MYO10: variants seen among roughly 807,000 people sequenced by gnomAD.
MYO10 encodes the protein myosin X.
MYO10 carries 133 observed loss-of-function variants against 257.3 expected under a neutral mutation model. The observed-to-expected ratio is 0.52, with a 90% CI of 0.45 to 0.60. MYO10 has a LOEUF of 0.60. Ranked by LOEUF, MYO10 falls within the 20% of genes least tolerant of loss-of-function variation. The pLI is 0.00. For missense variants in MYO10, 2,399 were observed against 2,635.7 expected, an observed-to-expected ratio of 0.91 and a Z score of 1.97; for synonymous variants, 1,104 against 1,028.6, an observed-to-expected ratio of 1.07 and a Z score of -1.40.
chr5:16,803,915 G>T (rs1209898613), intron 3 of MYO10, among the ~76,000 whole-genome samples: 2 of 152,092 alleles, frequency 1.3e-5, no homozygotes, highest in African/African-American at 4.8e-5. Context: ...TTACACATTC[G>T]CACACCCACT....
rs571617612 is a variant in MYO10 at position 16,747,689 on chromosome 5, C to T, written c.1929+7139G>A. 3.3e-5 allele frequency among the ~76,000 whole-genome samples: 5 copies of T among 152,168 alleles called. No individual in the cohort carries two copies. In the South Asian group the frequency reaches 6.2e-4, roughly 19 times the overall value. On this transcript the variant is annotated intron_variant, in intron 19 of 40. Transcript: ENST00000513610. ...ATCCCAGCACTTCGGGAGGCCGAGG[C>T]GGGTGGATCACGAGGTCAGGAGATT... is the stretch of plus-strand genomic sequence containing the variant.
rs776810367 is a variant in MYO10, at chr5:16,704,621, G to A, written c.2234C>T (p.Ala745Val). The A allele has an allele frequency of 1.4e-5, 22 of 1,613,748 alleles. No individual in the cohort carries two copies. The highest frequency in any genetic ancestry group is 1.6e-5 in the Non-Finnish European group (19 of 1,179,880). Reference protein sequence around the residue: ...EKRREEEVSHAAMVIRAHVLG... With the variant: ...EKRREEEVSHVAMVIRAHVLG... Reference sequence around the variant, plus strand: ...GACATGGGCCCGAATCACCATGGCCGCGTGGCTCACTTCCTCTTCCCTCCG... The same window carrying A: ...GACATGGGCCCGAATCACCATGGCCACGTGGCTCACTTCCTCTTCCCTCCG... Residue 745 changes from alanine (A) to valine (V), a missense_variant, in exon 22 of 41, where the codon GCG (alanine) becomes GTG (valine). By Grantham distance (64) the Ala-to-Val change is moderately conservative. Around this residue, in one of 3 missense-constraint regions of MYO10, gnomAD observed 1,820 missense variants for 1,939.4 expected, o/e 0.94. Coordinates refer to ENST00000513610, the MANE Select transcript of MYO10 (RefSeq NM_012334.3).
chr5:16,928,332 T>C (rs926531978), intron 1 of MYO10, among the ~76,000 whole-genome samples: 2 of 152,080 alleles, frequency 1.3e-5, no homozygotes, highest in African/African-American at 4.8e-5. Context: ...GTAGTTGCGA[T>C]TACAGGCCCA....
At chr5:16,925,710 C>T (rs1024123551) in intron 1 of MYO10, among the ~76,000 whole-genome samples, 1 of 152,150 alleles carries the variant, frequency 6.6e-6, no homozygotes, top group African/African-American at 2.4e-5. Flanking sequence ...CCGTGTCCGG[C>T]CTCAGTTTTC....
chr5:16,896,065 C>A (rs1020515330), intron 1 of MYO10, among the ~76,000 whole-genome samples: 4 of 152,192 alleles, frequency 2.6e-5, no homozygotes, highest in African/African-American at 9.7e-5. Flanking sequence ...AAATGGAGTC[C>A]TTCTCTCCTT....
intron 9 of MYO10, among the ~76,000 whole-genome samples, chr5:16,771,831 T>TA (rs1443975235): frequency 6.6e-6 from 1 of 151,506 alleles, no homozygotes; most frequent in Non-Finnish European, 1.5e-5. Context: ...TCTGCCCACC[T>TA]AGGTCTCCCA....
rs769743350 is a variant in MYO10 at position 16,935,842 on chromosome 5, G to C, written c.-34C>G. ...CGCAGTCCCGGACTCGCCGAGTGCC[G>C]CTCCGACTCGCGGAAGTCAGCGCCG... On this transcript the variant is annotated 5_prime_UTR_variant, in exon 1 of 41. Transcript: ENST00000513610. The C allele has an allele frequency of 6.2e-7, 1 of 1,610,646 alleles. No homozygotes were observed. Among genetic ancestry groups the C allele is most frequent in the African/African-American group, 1.3e-5 (1 of 74,818 alleles).
chr5:16,719,227 C>A (rs1739040617), intron 19 of MYO10, among the ~76,000 whole-genome samples: 1 of 152,144 alleles, frequency 6.6e-6, no homozygotes, highest in Non-Finnish European at 1.5e-5. Context: ...TCAGAAGGGA[C>A]AGACTCTAGA....
chr5:16,700,887 A>T (rs992556984), intron 25 of MYO10, 76 bp downstream of exon 25: 1 of 1,431,126 alleles, frequency 7.0e-7, no homozygotes, highest in South Asian at 1.4e-5. Context: ...GGGTATCTTC[A>T]TTCAACTTGA....
intron 35 of MYO10, 70 bp downstream of exon 35, chr5:16,674,783 A>T (rs1736646223): frequency 1.3e-6 from 2 of 1,550,194 alleles, no homozygotes; most frequent in African/African-American, 2.7e-5. Flanking sequence ...TCTTTATCTG[A>T]ACGAGGACCC....
At chr5:16,855,307 C>T (rs1169416717) in intron 2 of MYO10, among the ~76,000 whole-genome samples, 4 of 152,090 alleles carry the variant, frequency 2.6e-5, no homozygotes, top group African/African-American at 7.2e-5. Flanking sequence ...GATAATGTCC[C>T]GAACAGGGAA....
At chr5:16,755,330 G>T (rs1740497927) in intron 18 of MYO10, among the ~76,000 whole-genome samples, 1 of 152,058 alleles carries the variant, frequency 6.6e-6, no homozygotes, top group African/African-American at 2.4e-5. Context: ...CATGCCCGGA[G>T]AATTTTTTGT....
intron 18 of MYO10, among the ~76,000 whole-genome samples, chr5:16,757,037 T>C (rs1458053285): frequency 1.3e-5 from 2 of 150,388 alleles, no homozygotes; most frequent in African/African-American, 4.9e-5. Flanking sequence ...AAGAATCTCT[T>C]GAATCTGGGA....
At chr5:16,756,229 A>C (rs184873217) in intron 18 of MYO10, among the ~76,000 whole-genome samples, 17 of 152,136 alleles carry the variant, frequency 1.1e-4, no homozygotes, top group Admixed American at 9.2e-4. Flanking sequence ...CATGCCGAAT[A>C]ACTTTTTAAT....
chr5:16,671,027 T>C (rs554912189), intron 38 of MYO10, 49 bp from the exon 39 acceptor site: 2 of 1,503,746 alleles, frequency 1.3e-6, no homozygotes, highest in South Asian at 2.5e-5. Flanking sequence ...TGCCATGCCA[T>C]GGGATGCCCA....
At chr5:16,674,825 G>T in intron 35 of MYO10, 28 bp downstream of exon 35, 2 of 1,612,216 alleles carry the variant, frequency 1.2e-6, no homozygotes, top group Non-Finnish European at 1.7e-6. Flanking sequence ...GCTCTGCCCA[G>T]CTCATCTCCC....
chr5:16,818,959 T>C (rs1245962832), intron 2 of MYO10, among the ~76,000 whole-genome samples: 3 of 152,220 alleles, frequency 2.0e-5, no homozygotes, highest in African/African-American at 2.4e-5. Context: ...TAATGTTTCA[T>C]ATTGAATCAC....
intron 19 of MYO10, among the ~76,000 whole-genome samples, chr5:16,719,021 C>T (rs1262976343): frequency 6.6e-6 from 1 of 151,860 alleles, no homozygotes; most frequent in African/African-American, 2.4e-5. Flanking sequence ...GCATTAGCAA[C>T]CCGCTCGGGT....
At chr5:16,798,009 G>A (rs1392552844) in intron 3 of MYO10, among the ~76,000 whole-genome samples, 1 of 152,224 alleles carries the variant, frequency 6.6e-6, no homozygotes, top group Non-Finnish European at 1.5e-5. Context: ...GCAGGAGTGA[G>A]TTAGTTATTG....
Sources: gnomAD v4.1 joint callset for allele counts (sites outside exome capture counted in the v4.1 genomes callset) on GRCh38, gnomAD v4.1.1 for gene constraint, gnomAD v4.1.1 regional missense constraint, MANE v1.5 for transcripts, NCBI Gene and HGNC (gene_info 2026-07-23, HGNC 2026-07-21) for gene names.